Variants in GIT1 observed in about 807,000 individuals in gnomAD.
The protein encoded by GIT1 is GIT ArfGAP 1, also known as ARF GTPase-activating protein GIT1.
In GIT1, 14 loss-of-function variants were observed where a neutral mutation model predicts 91.7. The ratio of observed to expected loss-of-function variants is 0.15; its 90% CI spans 0.10 to 0.24. The LOEUF is 0.24. GIT1 is among the 10% of genes least tolerant of loss of function. The pLI, the probability that GIT1 is intolerant of heterozygous loss-of-function variation, is 1.00. For synonymous variants in GIT1, 414 were observed against 418.2 expected (o/e 0.99, Z 0.12); for missense variants, 717 against 1,024.9 (o/e 0.70, Z 4.10).
In GIT1 at chr17:29,574,744, G is replaced by C. The variant is rs998555420; in HGVS notation, c.2244C>G (p.Ala748=). 1 of 1,613,598 alleles carries C rather than the reference G, an allele frequency of 6.2e-7. No individual in the cohort carries two copies. Among genetic ancestry groups the C allele is most frequent in the South Asian group, 1.1e-5 (1 of 91,078 alleles). Reference sequence around the variant, plus strand: ...GGGTGGTGATGGTGACCAGCTGCTTGGCAGCCTTGGCGATGTCATAGGCGC... The same window carrying C: ...GGGTGGTGATGGTGACCAGCTGCTTCGCAGCCTTGGCGATGTCATAGGCGC... ...IQCAYDIAKA[A]KQLVTITTRE... Residue 748 remains alanine (A), a synonymous_variant, in exon 20 of 20, where the codon GCC becomes GCG. Transcript: ENST00000225394.
At chr17:29,577,276 T>G (rs753336063) in intron 10 of GIT1, 29 bp from the exon 11 acceptor site, 3 of 1,583,014 alleles carry the variant, frequency 1.9e-6, no homozygotes. Flanking sequence ...CAGGCTGGCT[T>G]CAGGGGACCC....
chr17:29,576,505 C>T lies in GIT1; in HGVS notation c.1380+17G>A, dbSNP rs766232340. 22 of 1,613,490 alleles carry T rather than the reference C, an allele frequency of 1.4e-5. No homozygotes were observed. Among genetic ancestry groups the T allele is most frequent in the Middle Eastern group, 3.3e-4 (2 of 6,060 alleles). On this transcript the variant is annotated intron_variant, in intron 13 of 19. Transcript: ENST00000225394. ...GGAGTCCTGGGGCTCCCCCTCCCACCGAGGCTGCACCCTCACCTCTCGCTG... is the reference window on the plus strand; with the variant it reads ...GGAGTCCTGGGGCTCCCCCTCCCACTGAGGCTGCACCCTCACCTCTCGCTG...
chr17:29,576,489 G>A (rs2033206765), intron 13 of GIT1, 33 bp downstream of exon 13: 1 of 1,613,122 alleles, frequency 6.2e-7, no homozygotes, highest in Non-Finnish European at 8.5e-7. Context: ...TGGAGTCCTG[G>A]GGCTCCCCCT....
chr17:29,576,473 AC>A (rs777080313), intron 13 of GIT1, 23 bp from the exon 14 acceptor site: 1 of 1,612,220 alleles, frequency 6.2e-7, no homozygotes, highest in South Asian at 1.1e-5. Flanking sequence ...AGTGCTGTCA[AC>A]CCCCTGGAGT....
chr17:29,581,154 G>C lies in GIT1; in HGVS notation c.761+184C>G. On this transcript the variant is annotated intron_variant, in intron 7 of 19. Coordinates refer to ENST00000225394, the MANE Select transcript of GIT1 (RefSeq NM_014030.4). The surrounding 1 kb of genome is among the most constrained non-coding windows in gnomAD (Gnocchi z 4.8). ...GCTCAGGCTATGCGGGCCACATATG[G>C]AGCTGACATTTTTTACCTGCCTTGG... The C allele has an allele frequency of 1.6e-6, 1 of 622,044 alleles. No homozygotes were observed. The highest frequency in any genetic ancestry group is 2.9e-6 in the Non-Finnish European group (1 of 345,124). The allele number at this position is 622,044 out of a possible 1,614,324, so 38.5% of individuals were successfully genotyped here.
At chr17:29,576,171 C>T (rs772927905) in intron 14 of GIT1, 40 bp from the exon 15 acceptor site, 17 of 1,610,428 alleles carry the variant, frequency 1.1e-5, no homozygotes, top group Middle Eastern at 1.6e-4. Flanking sequence ...GTGGACCCTG[C>T]GGCAGCCCCA....
rs147133519 is a variant in GIT1 at position 29,581,743 on chromosome 17, C to G, written c.717G>C (p.Pro239=). ...AGGCGCCCCCCAAGCTCTGCTCACC[C>G]GGCTTGCGTCCACAGAGGTAGAAGG... ...RLAFYLCGRK[P]DHKNGHYIIP... Residue 239 remains proline, a splice_region_variant and synonymous_variant, in exon 6 of 20, where the codon CCG becomes CCC. Coordinates refer to ENST00000225394, the MANE Select transcript of GIT1 (RefSeq NM_014030.4). This position sits in a 1 kb window ranked among gnomAD's most constrained non-coding sequence, Gnocchi z 4.8. 16 of 1,608,880 alleles carry G rather than the reference C, an allele frequency of 9.9e-6. No homozygotes were observed. The South Asian group carries it at 1.8e-4, about 18-fold the overall frequency.
At chr17:29,580,274 A>C (rs2033352412) in intron 7 of GIT1, among the ~76,000 whole-genome samples, 1 of 152,240 alleles carries the variant, frequency 6.6e-6, no homozygotes. Context: ...TTTACCATAC[A>C]CATGCACGCA....
chr17:29,575,957 A>G lies in GIT1; in HGVS notation c.1666-59T>C. 2 of 1,515,056 alleles carry G rather than the reference A, an allele frequency of 1.3e-6. No individual in the cohort carries two copies. Among genetic ancestry groups the G allele is most frequent in the Non-Finnish European group, 1.8e-6 (2 of 1,094,276 alleles). The allele number at this position is 1,515,056 out of a possible 1,614,324, so 93.9% of individuals were successfully genotyped here. A position where few individuals can be genotyped will look rare whatever the true frequency, so the allele number is the denominator to read the frequency against. Reference sequence around the variant, plus strand: ...GTGCCCCACTGCCCCCCTGCTCACCAGCAGTGCAGCAGGGACCAGGTCAGT... The same window carrying G: ...GTGCCCCACTGCCCCCCTGCTCACCGGCAGTGCAGCAGGGACCAGGTCAGT... On this transcript the variant is annotated intron_variant, in intron 15 of 19. Coordinates refer to ENST00000225394, the MANE Select transcript of GIT1 (RefSeq NM_014030.4). This position sits in a 1 kb window ranked among gnomAD's most constrained non-coding sequence, Gnocchi z 5.5.
In GIT1 at chr17:29,578,843, G is replaced by T. The variant is rs542400485; in HGVS notation, c.762-64C>A. 2.8e-5 allele frequency: 44 copies of T among 1,563,826 alleles called. No homozygotes were observed. In the Admixed American group the frequency reaches 7.3e-4, roughly 26 times the overall value. ...AGACCTGAGAGGTGGCCAGGCCCATGCCAGCAACCTCCCCAACATGCAGGG... is the reference window on the plus strand; with the variant it reads ...AGACCTGAGAGGTGGCCAGGCCCATTCCAGCAACCTCCCCAACATGCAGGG... On this transcript the variant is annotated intron_variant, in intron 7 of 19. Coordinates refer to ENST00000225394, the MANE Select transcript of GIT1 (RefSeq NM_014030.4).
chr17:29,577,967 A>C (rs614334), intron 9 of GIT1, among the ~76,000 whole-genome samples: 1 of 152,164 alleles, frequency 6.6e-6, no homozygotes, highest in Non-Finnish European at 1.5e-5. Flanking sequence ...CACTCATCCA[A>C]ACCCAGAGTT....
intron 7 of GIT1, among the ~76,000 whole-genome samples, chr17:29,580,169 C>T (rs2033349001): frequency 6.6e-6 from 1 of 152,256 alleles, no homozygotes; most frequent in Non-Finnish European, 1.5e-5. Context: ...GATTGTGTCT[C>T]AGCTGCCTCT....
Position 29,576,571 on chromosome 17 carries a change from A to G in GIT1, c.1331T>C (p.Met444Thr), listed in dbSNP as rs1303963166. 1.2e-6 allele frequency: 2 copies of G among 1,613,984 alleles called. No homozygotes were observed. The highest frequency in any genetic ancestry group is 8.5e-7 in the Non-Finnish European group (1 of 1,180,000). Residue 444 changes from methionine to threonine, a missense_variant, in exon 13 of 20, where the codon ATG (methionine) becomes ACG (threonine). Met to Thr is a moderately conservative substitution (Grantham distance 81). Coordinates refer to ENST00000225394, the MANE Select transcript of GIT1 (RefSeq NM_014030.4). The part of the protein sequence containing the change: ...ATSEAKVQQL[M>T]KVNSSLSDEL... ...GTCGCTCAGGCTACTGTTGACCTTC[A>G]TGAGCTGCTGCACCTTTGCCTCCGA...
At chr17:29,584,271 G>GAA (rs2033507029) in intron 1 of GIT1, among the ~76,000 whole-genome samples, 1 of 152,258 alleles carries the variant, frequency 6.6e-6, no homozygotes, top group South Asian at 2.1e-4. Context: ...CCTCTGTGAT[G>GAA]AAGAAACAGT....
intron 7 of GIT1, chr17:29,579,011 G>A: frequency 3.7e-6 from 6 of 1,613,354 alleles, no homozygotes; most frequent in Non-Finnish European, 5.1e-6. Flanking sequence ...GAAGGCAGCA[G>A]AGGGAAGAAC....
At chr17:29,585,449 G>C (rs2033562865) in intron 1 of GIT1, among the ~76,000 whole-genome samples, 1 of 152,198 alleles carries the variant, frequency 6.6e-6, no homozygotes, top group African/African-American at 2.4e-5. Context: ...AATGGCTCCA[G>C]AGCCCTAAGC....
intron 1 of GIT1, among the ~76,000 whole-genome samples, chr17:29,588,571 G>C (rs1233942895): frequency 6.6e-6 from 1 of 152,202 alleles, no homozygotes; most frequent in Non-Finnish European, 1.5e-5. Flanking sequence ...CTAGGGGACA[G>C]GGAGGGGCCC....
chr17:29,581,531 G>A lies in GIT1; in HGVS notation c.719-151C>T, dbSNP rs925598189. On this transcript the variant is annotated intron_variant, in intron 6 of 19. Coordinates refer to ENST00000225394, the MANE Select transcript of GIT1 (RefSeq NM_014030.4). The surrounding 1 kb of genome is among the most constrained non-coding windows in gnomAD (Gnocchi z 4.8). ...CCACCCCCAAGAATGCTGGGAGCTC[G>A]TGGGAGGATGCAGGATGCCCACCCC... 8 of 729,878 alleles carry A rather than the reference G, an allele frequency of 1.1e-5. No individual in the cohort carries two copies. The highest frequency in any genetic ancestry group is 2.6e-5 in the East Asian group (1 of 37,944). The allele number at this position is 729,878 out of a possible 1,614,324, so 45.2% of individuals were successfully genotyped here.
intron 1 of GIT1, among the ~76,000 whole-genome samples, chr17:29,586,560 G>C (rs2033599860): frequency 6.6e-6 from 1 of 150,432 alleles, no homozygotes; most frequent in African/African-American, 2.5e-5. Flanking sequence ...GGGAGGAAGA[G>C]GAGCCCAACA....
Sources: allele counts gnomAD v4.1 joint callset (sites outside exome capture counted in the v4.1 genomes callset), GRCh38; gene constraint gnomAD v4.1.1; non-coding constraint Gnocchi (gnomAD v3.1); transcripts MANE v1.5; gene names NCBI Gene and HGNC (gene_info 2026-07-23, HGNC 2026-07-21).